The following ECPAS variants were observed in gnomAD, a reference collection of about 807,000 sequenced individuals.
ECPAS encodes the protein proteasome adapter and scaffold protein ECM29.
Under a neutral mutation model 255.1 loss-of-function variants are expected in ECPAS, and 70 were observed. The ratio of observed to expected loss-of-function variants is 0.27; its 90% CI spans 0.23 to 0.33. The LOEUF is 0.33. ECPAS is among the 10% of genes least tolerant of loss of function. ECPAS has a pLI of 1.00. For synonymous variants in ECPAS, 784 were observed against 775.0 expected, an observed-to-expected ratio of 1.01 and a Z score of -0.19; for missense variants, 1,817 against 2,206.4, an observed-to-expected ratio of 0.82 and a Z score of 3.54.
chr9:111,384,694 A>T, intron 33 of ECPAS, 125 bp from the exon 34 acceptor site: 1 of 805,268 alleles, frequency 1.2e-6, no homozygotes, highest in Non-Finnish European at 2.0e-6. Context: ...ATTTCATATC[A>T]TGTTAAAAAA....
chr9:111,364,603 TA>T (rs2098118048), intron 48 of ECPAS, among the ~76,000 whole-genome samples: 1 of 152,152 alleles, frequency 6.6e-6, no homozygotes, highest in African/African-American at 2.4e-5. Context: ...CAATGCATGC[TA>T]AATATAGAGA....
chr9:111,382,949 C>T (rs897232736), intron 35 of ECPAS, among the ~76,000 whole-genome samples: 2 of 152,190 alleles, frequency 1.3e-5, no homozygotes, highest in Non-Finnish European at 2.9e-5. Context: ...TGAGGACCTA[C>T]AGTGTAACAG....
At chr9:111,481,115 TATAG>T (rs2098304263) in intron 1 of ECPAS, among the ~76,000 whole-genome samples, 2 of 152,136 alleles carry the variant, frequency 1.3e-5, no homozygotes, top group Admixed American at 6.5e-5. Context: ...CTACTGACAA[TATAG>T]ATAAGTGTCG....
At chr9:111,396,815 G>A (rs1406299678) in intron 25 of ECPAS, among the ~76,000 whole-genome samples, 1 of 152,090 alleles carries the variant, frequency 6.6e-6, no homozygotes, top group Non-Finnish European at 1.5e-5. Context: ...GCCTCCCAAA[G>A]TGCTGGGATT....
At chr9:111,396,810 C>G (rs935173889) in intron 25 of ECPAS, among the ~76,000 whole-genome samples, 1 of 152,186 alleles carries the variant, frequency 6.6e-6, no homozygotes, top group African/African-American at 2.4e-5. Flanking sequence ...CCTCGGCCTC[C>G]CAAAGTGCTG....
chr9:111,484,343 C>G lies in ECPAS; in HGVS notation c.-310G>C. ...CGGCTGTCACGTTGGCTGGGCCCGA[C>G]CTGGGGAAACACGCCTGTCCAAAGG... On this transcript the variant is annotated 5_prime_UTR_variant, in exon 1 of 50. Coordinates refer to ENST00000684092, the MANE Select transcript of ECPAS (RefSeq NM_001364929.1). 1.2e-6 allele frequency: 2 copies of G among 1,608,534 alleles called. No individual in the cohort carries two copies. Among genetic ancestry groups the G allele is most frequent in the Non-Finnish European group, 1.7e-6 (2 of 1,178,284 alleles).
chr9:111,386,401 T>C lies in ECPAS; in HGVS notation c.3503A>G (p.Asn1168Ser), dbSNP rs1319694791. The change falls in exon 32 of 50, where the codon AAT becomes AGT. Residue 1168 changes from asparagine (N) to serine (S), a missense_variant. By Grantham distance (46) the Asn-to-Ser change is conservative (BLOSUM62 1). Around this residue, in one of 4 missense-constraint regions of ECPAS, gnomAD observed 960 missense variants for 1,179.0 expected, o/e 0.81. Transcript: ENST00000684092. ...CCTGGATTCTCGAACTCGCCACATA[T>C]TGCTTGTAAGGTTCTTAACCAAATC... is the stretch of plus-strand genomic sequence containing the variant. ...LQDLVKNLTS[N>S]MWRVRESSCL... 1.9e-6 allele frequency: 3 copies of C among 1,603,206 alleles called. No homozygotes were observed. The highest frequency in any genetic ancestry group is 2.6e-6 in the Non-Finnish European group (3 of 1,171,308).
chr9:111,444,251 AACT>A, intron 4 of ECPAS, 124 bp downstream of exon 4: 1 of 605,912 alleles, frequency 1.7e-6, no homozygotes, highest in South Asian at 2.4e-5. Context: ...AAAAAAAAAA[AACT>A]CATGTTTCAT....
rs763354913 is a variant in ECPAS at position 111,362,180 on chromosome 9, AAAAAAAAACAAAAAC to A, written c.5381-26_5381-12del. The A allele has an allele frequency of 9.0e-6, 14 of 1,547,252 alleles. No individual in the cohort carries two copies. Among genetic ancestry groups the A allele is most frequent in the South Asian group, 8.5e-5 (7 of 82,172 alleles). ...CCCACTGTTTAGATTCTGCATGAAA[AAAAAAAAACAAAAAC>A]AAAAAAAACAAAAAACAAAGCAAAA... On this transcript the variant is annotated splice_polypyrimidine_tract_variant and intron_variant, in intron 49 of 49. Transcript: ENST00000684092.
chr9:111,398,086 T>C (rs2098170265), intron 24 of ECPAS, among the ~76,000 whole-genome samples: 1 of 152,192 alleles, frequency 6.6e-6, no homozygotes. Flanking sequence ...ACAGACAGCA[T>C]GTGAGGGCTA....
intron 46 of ECPAS, among the ~76,000 whole-genome samples, chr9:111,368,034 CA>C (rs545860799): frequency 2.4e-5 from 3 of 126,586 alleles, no homozygotes; most frequent in Admixed American, 8.0e-5. Context: ...GACCCTGTCT[CA>C]AAAAAAAAAC....
At chr9:111,396,087 T>C (rs2098167205) in intron 25 of ECPAS, among the ~76,000 whole-genome samples, 2 of 152,244 alleles carry the variant, frequency 1.3e-5, no homozygotes, top group Non-Finnish European at 2.9e-5. Context: ...TTATTCATGA[T>C]GGAACACAAT....
intron 18 of ECPAS, among the ~76,000 whole-genome samples, chr9:111,415,163 A>T (rs1003240425): frequency 6.6e-6 from 1 of 152,096 alleles, no homozygotes; most frequent in Non-Finnish European, 1.5e-5. Context: ...ACAAACCTTC[A>T]CATGTACCCT....
At chr9:111,433,767 C>A (rs1166045846) in intron 7 of ECPAS, among the ~76,000 whole-genome samples, 1 of 152,096 alleles carries the variant, frequency 6.6e-6, no homozygotes, top group Non-Finnish European at 1.5e-5. Context: ...AATTTGGGGC[C>A]TCCAGATAAG....
intron 13 of ECPAS, 108 bp downstream of exon 13, chr9:111,423,091 A>G (rs921425434): frequency 1.3e-6 from 1 of 770,388 alleles, no homozygotes; most frequent in African/African-American, 1.8e-5. Context: ...CATTAAATAC[A>G]TTCCCTTTCA....
At chr9:111,407,702 T>C (rs1209809691) in intron 24 of ECPAS, among the ~76,000 whole-genome samples, 1 of 152,116 alleles carries the variant, frequency 6.6e-6, no homozygotes, top group East Asian at 1.9e-4. Flanking sequence ...TCCAAAGACA[T>C]ACACTAACTC....
chr9:111,471,042 A>G (rs77205739), intron 2 of ECPAS, among the ~76,000 whole-genome samples: 1,896 of 152,296 alleles, frequency 0.012, 49 homozygotes, highest in African/African-American at 0.043. Context: ...TTCAGACTGC[A>G]TAAAAGTCTA....
chr9:111,449,098 T>G (rs916148289), intron 3 of ECPAS, among the ~76,000 whole-genome samples: 1 of 152,218 alleles, frequency 6.6e-6, no homozygotes, highest in Non-Finnish European at 1.5e-5. Flanking sequence ...AAAATGGGGA[T>G]GCCTACTTCA....
chr9:111,416,146 G>T, intron 18 of ECPAS, 126 bp downstream of exon 18: 1 of 611,640 alleles, frequency 1.6e-6, no homozygotes, highest in South Asian at 2.4e-5. Flanking sequence ...ACAACCCGAT[G>T]AAGAACAATG....
Sources: gnomAD v4.1 joint callset for allele counts (sites outside exome capture counted in the v4.1 genomes callset) on GRCh38, gnomAD v4.1.1 for gene constraint, gnomAD v4.1.1 regional missense constraint, MANE v1.5 for transcripts, NCBI Gene and HGNC (gene_info 2026-07-23, HGNC 2026-07-21) for gene names.